The following CNTN5 variants were observed in gnomAD, a reference collection of about 807,000 sequenced individuals.
The protein encoded by CNTN5 is contactin 5, also known as contactin-5.
A neutral mutation model predicts 129.1 loss-of-function variants in CNTN5; 77 were observed. The ratio of observed to expected loss-of-function variants is 0.60; its 90% CI spans 0.50 to 0.72. The LOEUF is 0.72. Among genes scored for constraint, CNTN5 ranks in the 30% least tolerant of loss-of-function variants. The pLI is 0.00. For synonymous variants in CNTN5, 509 were observed against 465.6 expected (o/e 1.09, Z -1.20); for missense variants, 1,478 against 1,328.8 (o/e 1.11, Z -1.75).
At chr11:99,549,427 C>T (rs752273353) in intron 2 of CNTN5, among the ~76,000 whole-genome samples, 6 of 152,030 alleles carry the variant, frequency 3.9e-5, no homozygotes, top group Admixed American at 6.6e-5. Flanking sequence ...GTTTTGGTCC[C>T]CCACTTCCAA....
intron 2 of CNTN5, among the ~76,000 whole-genome samples, chr11:99,433,882 T>G (rs1943497242): frequency 6.6e-6 from 1 of 152,212 alleles, no homozygotes; most frequent in Non-Finnish European, 1.5e-5. Context: ...GGGATACAGC[T>G]GCTTTCCTAG....
intron 7 of CNTN5, among the ~76,000 whole-genome samples, chr11:99,924,580 T>C (rs1225235666): frequency 1.3e-5 from 2 of 152,252 alleles, no homozygotes; most frequent in Admixed American, 6.5e-5. Flanking sequence ...GGGGCCTCTA[T>C]TCTGTTCCAT....
At chr11:99,830,004 G>C (rs1402436876) in intron 4 of CNTN5, among the ~76,000 whole-genome samples, 19 of 152,112 alleles carry the variant, frequency 1.2e-4, no homozygotes, top group Admixed American at 1.2e-3. Flanking sequence ...ACTTAATTAA[G>C]TGTAGGGTGC....
rs569995258 is a variant in CNTN5, at chr11:99,858,936, T to G, written c.577+13674T>G. On this transcript the variant is annotated intron_variant, in intron 6 of 24. Transcript: ENST00000524871. ...TTTTGCATTTACCTTCATTTGAACT[T>G]CAAAAAATCCTACAAATTAGGCATT... is the stretch of plus-strand genomic sequence containing the variant. 2.7e-5 allele frequency among the ~76,000 whole-genome samples: 4 copies of G among 149,984 alleles called. No individual in the cohort carries two copies. In the East Asian group the frequency reaches 8.0e-4, roughly 30 times the overall value.
intron 6 of CNTN5, among the ~76,000 whole-genome samples, chr11:99,863,126 A>G (rs1440429707): frequency 6.6e-6 from 1 of 152,150 alleles, no homozygotes; most frequent in Non-Finnish European, 1.5e-5. Flanking sequence ...AGAGAAAATA[A>G]TATCTATCCT....
chr11:99,371,502 T>C (rs938560442), intron 2 of CNTN5, among the ~76,000 whole-genome samples: 10 of 152,136 alleles, frequency 6.6e-5, no homozygotes, highest in Non-Finnish European at 1.3e-4. Context: ...TACTGTTCAG[T>C]GATCTTACAT....
intron 1 of CNTN5, among the ~76,000 whole-genome samples, chr11:99,070,948 T>A (rs978751678): frequency 6.6e-6 from 1 of 152,134 alleles, no homozygotes; most frequent in African/African-American, 2.4e-5. Context: ...CTGTAAATCT[T>A]TCTAAAAATG....
intron 3 of CNTN5, among the ~76,000 whole-genome samples, chr11:99,796,811 T>C (rs540561248): frequency 1.3e-5 from 2 of 152,218 alleles, no homozygotes; most frequent in East Asian, 3.9e-4. Flanking sequence ...CCAAATCCTC[T>C]GGGTGCTACA....
intron 3 of CNTN5, among the ~76,000 whole-genome samples, chr11:99,613,702 T>A (rs1346826609): frequency 6.6e-6 from 1 of 152,196 alleles, no homozygotes; most frequent in African/African-American, 2.4e-5. Flanking sequence ...CAGGATGATA[T>A]ATTTGACAAA....
intron 15 of CNTN5, among the ~76,000 whole-genome samples, chr11:100,206,099 G>A (rs180839250): frequency 1.3e-5 from 2 of 152,162 alleles, no homozygotes; most frequent in East Asian, 3.9e-4. Context: ...TGTAATGAAG[G>A]AAGTATGTTC....
chr11:99,323,017 G>A (rs1865632774), intron 1 of CNTN5, among the ~76,000 whole-genome samples: 1 of 152,054 alleles, frequency 6.6e-6, no homozygotes, highest in African/African-American at 2.4e-5. Context: ...TTTAGATTTG[G>A]TCTAGCTTTC....
intron 3 of CNTN5, among the ~76,000 whole-genome samples, chr11:99,801,133 A>T (rs572615620): frequency 1.3e-5 from 2 of 152,312 alleles, no homozygotes; most frequent in East Asian, 3.9e-4. Flanking sequence ...CCTAGTGCTA[A>T]TGAATTCCCT....
intron 1 of CNTN5, among the ~76,000 whole-genome samples, chr11:99,190,580 A>G (rs2135590462): frequency 6.6e-6 from 1 of 151,514 alleles, no homozygotes; most frequent in South Asian, 2.1e-4. Flanking sequence ...TTGTTCACCA[A>G]TGTTTTGTAG....
intron 18 of CNTN5, among the ~76,000 whole-genome samples, chr11:100,280,025 C>G (rs1181121758): frequency 6.7e-6 from 1 of 149,434 alleles, no homozygotes; most frequent in African/African-American, 2.5e-5. Flanking sequence ...TCATTTGTTT[C>G]AAGAAATTTT....
intron 8 of CNTN5, among the ~76,000 whole-genome samples, chr11:99,984,202 A>G (rs1216251394): frequency 6.6e-6 from 1 of 152,048 alleles, no homozygotes; most frequent in African/African-American, 2.4e-5. Flanking sequence ...GCTTGAACCA[A>G]GGAGGTGGAG....
At chr11:100,308,009 G>T (rs927141986) in intron 20 of CNTN5, among the ~76,000 whole-genome samples, 4 of 151,644 alleles carry the variant, frequency 2.6e-5, no homozygotes, top group African/African-American at 9.7e-5. Context: ...AGCAACAGCA[G>T]TGCAACAACA....
intron 15 of CNTN5, among the ~76,000 whole-genome samples, chr11:100,218,724 G>T (rs1420768482): frequency 6.6e-6 from 1 of 152,346 alleles, no homozygotes; most frequent in Non-Finnish European, 1.5e-5. Flanking sequence ...GATATAATTT[G>T]TAGATTTTGG....
Position 99,769,136 on chromosome 11 carries a change from TA to T in CNTN5, c.56-50405del, listed in dbSNP as rs111517607. Reference sequence around the variant, plus strand: ...TACTTGCAATATTCTTTTTGATACTTAAATTATATAAACTGGCTGTTGAAAA... The same window carrying T: ...TACTTGCAATATTCTTTTTGATACTTAATTATATAAACTGGCTGTTGAAAA... On this transcript the variant is annotated intron_variant, in intron 3 of 24. Coordinates refer to ENST00000524871, the MANE Select transcript of CNTN5 (RefSeq NM_014361.4). 3.0e-3 allele frequency among the ~76,000 whole-genome samples: 457 copies of T among 152,284 alleles called. 4 individuals carry two copies. Among genetic ancestry groups the T allele is most frequent in the African/African-American group, 0.011 (441 of 41,566 alleles).
At chr11:100,055,407 T>A (rs1591145589) in intron 9 of CNTN5, among the ~76,000 whole-genome samples, 1 of 151,666 alleles carries the variant, frequency 6.6e-6, no homozygotes, top group East Asian at 1.9e-4. Flanking sequence ...ACTTCTTGCA[T>A]CTTAAACTTT....
Sources: gnomAD v4.1 joint callset for allele counts (sites outside exome capture counted in the v4.1 genomes callset) on GRCh38, gnomAD v4.1.1 for gene constraint, MANE v1.5 for transcripts, NCBI Gene and HGNC (gene_info 2026-07-23, HGNC 2026-07-21) for gene names.